Variants in CLNK observed in about 807,000 individuals in gnomAD.
CLNK encodes cytokine-dependent hematopoietic cell linker.
In CLNK, 74 loss-of-function variants were observed where a neutral mutation model predicts 68.6. The observed-to-expected ratio is 1.08, with a 90% CI of 0.89 to 1.31. CLNK has a LOEUF of 1.31. CLNK is among the 50% of genes most tolerant of loss of function. The pLI, the probability that CLNK is intolerant of heterozygous loss-of-function variation, is 0.00. For missense variants in CLNK, 553 were observed against 515.3 expected (o/e 1.07, Z -0.71); for synonymous variants, 198 against 172.2 (o/e 1.15, Z -1.17).
intron 5 of CLNK, among the ~76,000 whole-genome samples, chr4:10,567,122 CA>C (rs1157232323): frequency 2.4e-5 from 1 of 41,504 alleles, no homozygotes; most frequent in East Asian, 6.4e-4. Context: ...ATAGCCAAAA[CA>C]ATCTTGGGAA....
At chr4:10,539,981 A>C (rs1043908941) in intron 11 of CLNK, among the ~76,000 whole-genome samples, 15 of 152,258 alleles carry the variant, frequency 9.9e-5, no homozygotes, top group Admixed American at 3.9e-4. Context: ...TATTTCCTGC[A>C]AAGAATCAAA....
At chr4:10,642,706 C>T (rs1047112521) in intron 2 of CLNK, among the ~76,000 whole-genome samples, 2 of 152,150 alleles carry the variant, frequency 1.3e-5, no homozygotes, top group African/African-American at 4.8e-5. Flanking sequence ...ATGACCCAAC[C>T]TAACTCACTG....
At chr4:10,571,326 C>CTTTTTTTTTTTTTT (rs60429766) in intron 5 of CLNK, among the ~76,000 whole-genome samples, 1 of 64,600 alleles carries the variant, frequency 1.5e-5, no homozygotes. Context: ...GTTGCTGTTG[C>CTTTTTTTTTTTTTT]TTTTTTTTTT....
At chr4:10,734,150 G>A in the CLNK span, among the ~76,000 whole-genome samples, 7 of 152,056 alleles carry the variant, frequency 4.6e-5, no homozygotes, top group African/African-American at 1.4e-4. Context: ...CTTTCTTTAC[G>A]TGGTTTTATA....
chr4:10,519,181 G>C (rs1319888734), intron 15 of CLNK, among the ~76,000 whole-genome samples: 1 of 152,106 alleles, frequency 6.6e-6, no homozygotes, highest in Non-Finnish European at 1.5e-5. Context: ...GAAGTGAGAT[G>C]AGCTGAGAGG....
chr4:10,503,376 C>T (rs372503471), intron 17 of CLNK, among the ~76,000 whole-genome samples: 4 of 151,442 alleles, frequency 2.6e-5, no homozygotes, highest in Non-Finnish European at 4.4e-5. Flanking sequence ...GCAGGAGAAT[C>T]GCTTGGACCC....
At chr4:10,508,482 G>A (rs562288579) in intron 16 of CLNK, among the ~76,000 whole-genome samples, 9 of 152,174 alleles carry the variant, frequency 5.9e-5, no homozygotes, top group East Asian at 3.8e-4. Flanking sequence ...CACAGATGCC[G>A]CTGAGCTATG....
At chr4:10,704,807 G>A in the CLNK span, among the ~76,000 whole-genome samples, 1 of 152,234 alleles carries the variant, frequency 6.6e-6, no homozygotes, top group Non-Finnish European at 1.5e-5. Context: ...AACAATAAAT[G>A]ACACAATTTT....
At chr4:10,520,675 A>G (rs1718024403) in intron 15 of CLNK, 116 bp downstream of exon 15, 1 of 670,082 alleles carries the variant, frequency 1.5e-6, no homozygotes, top group African/African-American at 1.8e-5. Flanking sequence ...TGAGCTAATT[A>G]CATCTGTACA....
At chr4:10,492,421 T>C (rs1716621041) in intron 18 of CLNK, among the ~76,000 whole-genome samples, 1 of 152,152 alleles carries the variant, frequency 6.6e-6, no homozygotes, top group African/African-American at 2.4e-5. Flanking sequence ...GCCTCAGGAA[T>C]AGCCAATGGA....
the CLNK span, among the ~76,000 whole-genome samples, chr4:10,696,181 C>T: frequency 1.3e-5 from 2 of 152,166 alleles, no homozygotes; most frequent in Non-Finnish European, 2.9e-5. Context: ...AAGTAGATGG[C>T]GTGAGGATGA....
chr4:10,530,141 C>T lies in CLNK; in HGVS notation c.631-2047G>A, dbSNP rs531529303. 5.3e-5 allele frequency among the ~76,000 whole-genome samples: 8 copies of T among 152,044 alleles called. No homozygotes were observed. The South Asian group carries it at 1.0e-3, about 20-fold the overall frequency. On this transcript the variant is annotated intron_variant, in intron 12 of 18. Transcript: ENST00000226951. ...GTATTTTTTTTAAGGCAGAGAGACA[C>T]GGCGGTGGGGAAGACACCTAGACTT...
rs1716515170 is a variant in CLNK at position 10,490,328 on chromosome 4, A to G, written c.*139T>C. ...CTTTCAAAACCGTGAGTGATTTTCC[A>G]CTCTCTGTTATAGAGTGTTTTTCTT... On this transcript the variant is annotated 3_prime_UTR_variant, in exon 19 of 19. Transcript: ENST00000226951. 1 of 704,104 alleles carries G rather than the reference A, an allele frequency of 1.4e-6. No homozygotes were observed. Among genetic ancestry groups the G allele is most frequent in the South Asian group, 5.3e-5 (1 of 18,780 alleles). 43.6% of individuals were successfully genotyped at this position (704,104 alleles called of 1,614,324 possible).
chr4:10,621,769 ACTTT>A (rs141195097), intron 2 of CLNK, among the ~76,000 whole-genome samples: 251 of 152,236 alleles, frequency 1.6e-3, no homozygotes, highest in African/African-American at 5.8e-3. Flanking sequence ...TTCTCTGTGA[ACTTT>A]CTTTGTGTGC....
rs1383993606 is a variant in CLNK, at chr4:10,571,374, G to A, written c.150+367C>T. 1.1e-4 allele frequency among the ~76,000 whole-genome samples: 12 copies of A among 113,656 alleles called. No homozygotes were observed. The East Asian group carries it at 2.4e-3, about 23-fold the overall frequency. The allele number at this position is 113,656 out of a possible 152,430, so 74.6% of individuals were successfully genotyped here. ...TTTGAGACAGAGTTTCGCTCTTGCC[G>A]CCCAGGCTGAAGTGCAAGGGTGCTA... On this transcript the variant is annotated intron_variant, in intron 5 of 18. Coordinates refer to ENST00000226951, the MANE Select transcript of CLNK (RefSeq NM_052964.4).
chr4:10,730,778 A>G, the CLNK span, among the ~76,000 whole-genome samples: 2 of 152,192 alleles, frequency 1.3e-5, no homozygotes, highest in Non-Finnish European at 1.5e-5. Context: ...ACTCATATGT[A>G]CGTTTAACCA....
At chr4:10,586,373 C>T (rs1720969578) in intron 3 of CLNK, among the ~76,000 whole-genome samples, 2 of 138,972 alleles carry the variant, frequency 1.4e-5, no homozygotes, top group Admixed American at 1.5e-4. Flanking sequence ...GTCTCTGTCA[C>T]CAGGCTGGAG....
Position 10,508,171 on chromosome 4 carries a change from ACATTTAGT to A in CLNK, c.907-143_907-136del, listed in dbSNP as rs1327616055. ...ATCTGTAGTAGATATTCAGTACCTA[ACATTTAGT>A]CCCTGAACTTGGAGAAGCCCACAGA... On this transcript the variant is annotated intron_variant, in intron 16 of 18. Transcript: ENST00000226951. 1.4e-5 allele frequency: 9 copies of A among 621,852 alleles called. No individual in the cohort carries two copies. The African/African-American group carries it at 1.7e-4, about 12-fold the overall frequency. The allele number at this position is 621,852 out of a possible 1,614,324, so 38.5% of individuals were successfully genotyped here. A position where few individuals can be genotyped will look rare whatever the true frequency, so the allele number is the denominator to read the frequency against.
chr4:10,635,596 C>G (rs181594041), intron 2 of CLNK, among the ~76,000 whole-genome samples: 2 of 152,246 alleles, frequency 1.3e-5, no homozygotes, highest in Admixed American at 1.3e-4. Context: ...TGGAAGAGAG[C>G]GACAGAGGGA....
Sources: allele counts gnomAD v4.1 joint callset (sites outside exome capture counted in the v4.1 genomes callset), GRCh38; gene constraint gnomAD v4.1.1; transcripts MANE v1.5; gene names NCBI Gene and HGNC (gene_info 2026-07-23, HGNC 2026-07-21).